The following CPNE4 variants were observed in gnomAD, a reference collection of about 807,000 sequenced individuals.
The protein encoded by CPNE4 is copine 4, also known as copine-4.
Under a neutral mutation model 67.9 loss-of-function variants are expected in CPNE4, and 25 were observed. The ratio of observed to expected loss-of-function variants is 0.37; its 90% CI spans 0.27 to 0.51. CPNE4 has a LOEUF of 0.51. Ranked by LOEUF, CPNE4 falls within the 20% of genes least tolerant of loss-of-function variation. CPNE4 has a pLI of 0.93. For synonymous variants in CPNE4, 242 were observed against 244.9 expected, an observed-to-expected ratio of 0.99 and a Z score of 0.11; for missense variants, 464 against 690.8, an observed-to-expected ratio of 0.67 and a Z score of 3.68.
intron 2 of CPNE4, among the ~76,000 whole-genome samples, chr3:131,804,029 A>G (rs1341426237): frequency 2.6e-5 from 4 of 152,226 alleles, no homozygotes; most frequent in African/African-American, 4.8e-5. Context: ...ATAAATATCT[A>G]GAGTCAATTA....
rs537283786 is a variant in CPNE4 at position 131,743,092 on chromosome 3, C to A, written c.181-19467G>T. Among the ~76,000 whole-genome samples, 6 of 152,148 alleles carry A rather than the reference C, an allele frequency of 3.9e-5. No homozygotes were observed. In the South Asian group the frequency reaches 1.2e-3, roughly 32 times the overall value. ...TGGTTCTTTAATAAAATAAAACAGA[C>A]CAACAGCTAGCAGTCTGATTATAGA... On this transcript the variant is annotated intron_variant, in intron 2 of 15. Transcript: ENST00000429747.
chr3:131,851,717 T>C (rs1025297517), intron 2 of CPNE4, among the ~76,000 whole-genome samples: 4 of 152,018 alleles, frequency 2.6e-5, no homozygotes, highest in African/African-American at 9.7e-5. Flanking sequence ...GTGGAGGAAA[T>C]AGCTATCTTG....
chr3:132,012,964 T>C (rs765819828), intron 1 of CPNE4, among the ~76,000 whole-genome samples: 2 of 152,228 alleles, frequency 1.3e-5, no homozygotes, highest in Non-Finnish European at 2.9e-5. Context: ...GGCTCATGCC[T>C]GTAATCCCAG....
chr3:131,968,526 C>A (rs772420101), intron 1 of CPNE4, among the ~76,000 whole-genome samples: 1 of 151,920 alleles, frequency 6.6e-6, no homozygotes, highest in African/African-American at 2.4e-5. Context: ...GAAACAATCC[C>A]ATCGAAAGTG....
At chr3:131,776,315 T>C (rs2083289941) in intron 2 of CPNE4, among the ~76,000 whole-genome samples, 1 of 152,104 alleles carries the variant, frequency 6.6e-6, no homozygotes, top group African/African-American at 2.4e-5. Context: ...GGCTCAAGGA[T>C]TTCAAGAAAC....
chr3:132,012,112 C>A (rs1422320196), intron 1 of CPNE4, among the ~76,000 whole-genome samples: 1 of 150,796 alleles, frequency 6.6e-6, no homozygotes, highest in African/African-American at 2.4e-5. Context: ...CAGCCACAGG[C>A]AATATATAAA....
chr3:131,740,301 C>T (rs551604885), intron 2 of CPNE4, among the ~76,000 whole-genome samples: 1 of 152,282 alleles, frequency 6.6e-6, no homozygotes, highest in Non-Finnish European at 1.5e-5. Flanking sequence ...GACTGGCTCC[C>T]TAGGTCATCT....
At chr3:131,749,399 G>A (rs2082569239) in intron 2 of CPNE4, among the ~76,000 whole-genome samples, 1 of 152,108 alleles carries the variant, frequency 6.6e-6, no homozygotes, top group Admixed American at 6.5e-5. Context: ...ATTATGTCCT[G>A]TGGGCATTTG....
chr3:131,867,295 T>C (rs1416304365), intron 2 of CPNE4, among the ~76,000 whole-genome samples: 2 of 152,092 alleles, frequency 1.3e-5, no homozygotes, highest in African/African-American at 4.8e-5. Flanking sequence ...AAAAGCTAAG[T>C]TGACAAAAAA....
chr3:131,541,865 T>A (rs1935516075), intron 15 of CPNE4, among the ~76,000 whole-genome samples: 1 of 152,016 alleles, frequency 6.6e-6, no homozygotes, highest in Non-Finnish European at 1.5e-5. Flanking sequence ...GAGATGGAGT[T>A]TTACCATGTT....
At chr3:131,554,066 G>T (rs1936329630) in intron 12 of CPNE4, among the ~76,000 whole-genome samples, 1 of 152,082 alleles carries the variant, frequency 6.6e-6, no homozygotes, top group Admixed American at 6.6e-5. Context: ...AAGGTATGGT[G>T]CATAGCTCTG....
In CPNE4 at chr3:131,535,067, A is replaced by T. The variant is rs1229517524; in HGVS notation, c.*128T>A. ...AAAAATTGTCAGATAGTTAAAAATCACCAAAACGTGCTATTTTTAAATGTG... is the reference window on the plus strand; with the variant it reads ...AAAAATTGTCAGATAGTTAAAAATCTCCAAAACGTGCTATTTTTAAATGTG... On this transcript the variant is annotated 3_prime_UTR_variant, in exon 16 of 16. Coordinates refer to ENST00000429747, the MANE Select transcript of CPNE4 (RefSeq NM_130808.3). 1.3e-5 allele frequency: 13 copies of T among 1,014,728 alleles called. No individual in the cohort carries two copies. Among genetic ancestry groups the T allele is most frequent in the Non-Finnish European group, 1.8e-5 (13 of 730,066 alleles). 62.9% of individuals were successfully genotyped at this position (1,014,728 alleles called of 1,614,324 possible).
chr3:131,679,713 T>A (rs1328418190), intron 6 of CPNE4, among the ~76,000 whole-genome samples: 1 of 152,198 alleles, frequency 6.6e-6, no homozygotes, highest in Non-Finnish European at 1.5e-5. Context: ...AACAGGTTAT[T>A]CAATTTTTAT....
chr3:131,679,462 T>C (rs1035264835), intron 6 of CPNE4, among the ~76,000 whole-genome samples: 1 of 152,190 alleles, frequency 6.6e-6, no homozygotes, highest in African/African-American at 2.4e-5. Flanking sequence ...TTTCTTGTCT[T>C]CTGCTAGCTT....
intron 2 of CPNE4, among the ~76,000 whole-genome samples, chr3:131,744,413 T>C (rs535247156): frequency 4.1e-4 from 63 of 152,328 alleles, no homozygotes; most frequent in African/African-American, 1.4e-3. Context: ...TCACATTCAA[T>C]TGTAAGAAAT....
intron 1 of CPNE4, among the ~76,000 whole-genome samples, chr3:132,034,097 C>G (rs1241540736): frequency 6.6e-6 from 1 of 152,176 alleles, no homozygotes; most frequent in African/African-American, 2.4e-5. Flanking sequence ...GGTTGAGAGG[C>G]TGAATCCAAC....
intron 1 of CPNE4, among the ~76,000 whole-genome samples, chr3:131,951,698 G>A (rs942276329): frequency 6.6e-6 from 1 of 152,078 alleles, no homozygotes; most frequent in Non-Finnish European, 1.5e-5. Context: ...GAGTGCCTGC[G>A]ACTGCAAGCG....
intron 1 of CPNE4, among the ~76,000 whole-genome samples, chr3:131,981,045 C>T (rs1201552607): frequency 1.2e-4 from 19 of 152,034 alleles, no homozygotes; most frequent in Admixed American, 6.6e-5. Context: ...TGATGTGAAC[C>T]GTCTATGGGT....
intron 2 of CPNE4, among the ~76,000 whole-genome samples, chr3:131,797,839 C>T (rs1235148248): frequency 6.6e-6 from 1 of 152,126 alleles, no homozygotes; most frequent in Non-Finnish European, 1.5e-5. Flanking sequence ...AATAAAATTA[C>T]CCCATGCATT....
Sources: gnomAD v4.1 joint callset for allele counts (sites outside exome capture counted in the v4.1 genomes callset) on GRCh38, gnomAD v4.1.1 for gene constraint, MANE v1.5 for transcripts, NCBI Gene and HGNC (gene_info 2026-07-23, HGNC 2026-07-21) for gene names.